The following RORB variants were observed in gnomAD, a reference collection of about 807,000 sequenced individuals.
RORB encodes RAR related orphan receptor B.
Under a neutral mutation model 59.1 loss-of-function variants are expected in RORB, and 6 were observed. That is an observed-to-expected ratio of 0.10 (90% CI 0.06 to 0.20). The LOEUF is 0.20. Among genes scored for constraint, RORB ranks in the 10% least tolerant of loss-of-function variants. The pLI, the probability that RORB is intolerant of heterozygous loss-of-function variation, is 1.00. For missense variants in RORB, 320 were observed against 560.5 expected (o/e 0.57, Z 4.33); for synonymous variants, 215 against 204.5 (o/e 1.05, Z -0.44).
intron 9 of RORB, among the ~76,000 whole-genome samples, chr9:74,681,108 T>C (rs565721962): frequency 6.6e-6 from 1 of 152,312 alleles, no homozygotes; most frequent in Non-Finnish European, 1.5e-5. Context: ...GCTATGGGGA[T>C]TATTTAAACA....
intron 4 of RORB, among the ~76,000 whole-genome samples, chr9:74,659,977 C>A (rs1824154148): frequency 9.5e-6 from 1 of 104,762 alleles, no homozygotes; most frequent in African/African-American, 3.8e-5. Flanking sequence ...GACCCAATTC[C>A]AATCATTATC....
intron 7 of RORB, among the ~76,000 whole-genome samples, chr9:74,666,376 G>A (rs145162190): frequency 0.022 from 3,307 of 152,022 alleles, 121 homozygotes; most frequent in African/African-American, 0.076. Flanking sequence ...CAGGAAGATT[G>A]CTTGACCCTG....
intron 1 of RORB, among the ~76,000 whole-genome samples, chr9:74,607,686 A>G (rs903978433): frequency 2.0e-5 from 3 of 152,138 alleles, no homozygotes; most frequent in Non-Finnish European, 4.4e-5. Context: ...ATAGACACAC[A>G]TGCACTGCAG....
intron 1 of RORB, among the ~76,000 whole-genome samples, chr9:74,582,335 T>C (rs1822737181): frequency 6.6e-6 from 1 of 152,136 alleles, no homozygotes; most frequent in African/African-American, 2.4e-5. Flanking sequence ...TTCCTATGTG[T>C]ACAATAAAGA....
intron 1 of RORB, among the ~76,000 whole-genome samples, chr9:74,586,260 G>A (rs1329115637): frequency 6.6e-6 from 1 of 152,146 alleles, no homozygotes; most frequent in Non-Finnish European, 1.5e-5. Context: ...CACTTTGGGA[G>A]GCCAAAGCAG....
chr9:74,607,121 A>G (rs1365999786), intron 1 of RORB, among the ~76,000 whole-genome samples: 3 of 152,222 alleles, frequency 2.0e-5, no homozygotes. Flanking sequence ...GATGTTGCAT[A>G]TTCAGCAACA....
rs147486696 is a variant in RORB at position 74,590,696 on chromosome 9, G to T, written c.8-39586G>T. 3.2e-4 allele frequency among the ~76,000 whole-genome samples: 49 copies of T among 152,328 alleles called. No homozygotes were observed. In the East Asian group the frequency reaches 9.3e-3, roughly 29 times the overall value. On this transcript the variant is annotated intron_variant, in intron 1 of 9. Transcript: ENST00000376896. ...TCACAAGGCCCCAAGGGGGATTTTAGATTTTGCAGACATACATCGTTGCCC... is the reference window on the plus strand; with the variant it reads ...TCACAAGGCCCCAAGGGGGATTTTATATTTTGCAGACATACATCGTTGCCC...
In RORB at chr9:74,498,003, C is replaced by T. The variant is rs113780851; in HGVS notation, c.7+20C>T. On this transcript the variant is annotated intron_variant, in intron 1 of 9. Coordinates refer to ENST00000376896, the MANE Select transcript of RORB (RefSeq NM_006914.4). Reference sequence around the variant, plus strand: ...TGCGAGGTAAGCGAGTCTGCGGGCACCGAGGCTCCCCGAGTCCGGCCAACT... The same window carrying T: ...TGCGAGGTAAGCGAGTCTGCGGGCATCGAGGCTCCCCGAGTCCGGCCAACT... The T allele has an allele frequency of 2.0e-3, 3,233 of 1,607,328 alleles. 45 individuals are homozygous for T. In the African/African-American group the frequency reaches 0.037, roughly 18 times the overall value.
At chr9:74,513,104 A>G (rs1300992427) in intron 1 of RORB, among the ~76,000 whole-genome samples, 3 of 152,204 alleles carry the variant, frequency 2.0e-5, no homozygotes, top group Admixed American at 2.0e-4. Context: ...GATTTGAGGC[A>G]TATATCTCAG....
chr9:74,553,271 C>T (rs185949984), intron 1 of RORB, among the ~76,000 whole-genome samples: 2 of 152,216 alleles, frequency 1.3e-5, no homozygotes, highest in African/African-American at 4.8e-5. Flanking sequence ...TAGTTTGCCT[C>T]TTTTTTCATT....
intron 6 of RORB, among the ~76,000 whole-genome samples, chr9:74,664,654 G>A (rs1464991519): frequency 6.6e-6 from 1 of 152,172 alleles, no homozygotes; most frequent in Non-Finnish European, 1.5e-5. Context: ...CTCTATGCTA[G>A]GTGACGTATC....
intron 1 of RORB, among the ~76,000 whole-genome samples, chr9:74,565,071 C>T (rs138701030): frequency 1.3e-5 from 2 of 152,288 alleles, no homozygotes; most frequent in African/African-American, 4.8e-5. Flanking sequence ...AGAAAACAAG[C>T]ATCTCTTTAA....
chr9:74,686,162 AC>A lies in RORB; in HGVS notation c.*546del, dbSNP rs1487749831. 1.3e-5 allele frequency: 2 copies of A among 152,604 alleles called. No individual in the cohort carries two copies. Among genetic ancestry groups the A allele is most frequent in the Non-Finnish European group, 2.9e-5 (2 of 68,028 alleles). 9.5% of individuals were successfully genotyped at this position (152,604 alleles called of 1,614,324 possible). On this transcript the variant is annotated 3_prime_UTR_variant, in exon 10 of 10. Transcript: ENST00000376896. ...CATGCACATGCACTGTGGCTTAAAT[AC>A]CATACCTACTAGCAATGGAGGTTCA...
chr9:74,569,829 C>T (rs898046776), intron 1 of RORB, among the ~76,000 whole-genome samples: 1 of 151,922 alleles, frequency 6.6e-6, no homozygotes, highest in African/African-American at 2.4e-5. Flanking sequence ...TAAATAAGGC[C>T]AAATATCTAG....
intron 1 of RORB, among the ~76,000 whole-genome samples, chr9:74,499,862 C>T (rs1825782878): frequency 1.3e-5 from 2 of 152,286 alleles, no homozygotes; most frequent in South Asian, 4.1e-4. Context: ...AACTATGCGC[C>T]ACCTCAGCTC....
chr9:74,561,499 C>A (rs1234601279), intron 1 of RORB, among the ~76,000 whole-genome samples: 1 of 151,972 alleles, frequency 6.6e-6, no homozygotes, highest in Non-Finnish European at 1.5e-5. Context: ...CTTAATGTGC[C>A]ATGTTCATCC....
chr9:74,597,898 C>T (rs888371583), intron 1 of RORB, among the ~76,000 whole-genome samples: 15 of 151,418 alleles, frequency 9.9e-5, no homozygotes, highest in Admixed American at 3.3e-4. Flanking sequence ...GCAGAGGTTG[C>T]GGTGAGCCGA....
intron 3 of RORB, among the ~76,000 whole-genome samples, chr9:74,638,855 C>G (rs888095420): frequency 1.3e-5 from 2 of 152,134 alleles, no homozygotes; most frequent in African/African-American, 4.8e-5. Flanking sequence ...AATAGTATTA[C>G]AGTCATTGTC....
At chr9:74,579,746 AT>A (rs1822693242) in intron 1 of RORB, among the ~76,000 whole-genome samples, 1 of 152,166 alleles carries the variant, frequency 6.6e-6, no homozygotes, top group Admixed American at 6.6e-5. Flanking sequence ...TTTTATTTCA[AT>A]TGGTACCACT....
Sources: allele counts gnomAD v4.1 joint callset (sites outside exome capture counted in the v4.1 genomes callset), GRCh38; gene constraint gnomAD v4.1.1; transcripts MANE v1.5; gene names NCBI Gene and HGNC (gene_info 2026-07-23, HGNC 2026-07-21).